Variants in DRAXIN observed in about 807,000 individuals in gnomAD.
The protein encoded by DRAXIN is dorsal repulsive axon guidance protein.
A neutral mutation model predicts 33.9 loss-of-function variants in DRAXIN; 27 were observed. That is an observed-to-expected ratio of 0.80 (90% confidence interval 0.59 to 1.10). The LOEUF is 1.10. Among genes scored for constraint, DRAXIN ranks in the 50% least tolerant of loss-of-function variants. The probability of loss-of-function intolerance (pLI) is 0.00; values close to 1 mark genes in which losing one functional copy is unlikely to be tolerated. For missense variants in DRAXIN, 371 were observed against 460.8 expected (o/e 0.81, Z 1.78); for synonymous variants, 178 against 194.0 (o/e 0.92, Z 0.69).
At chr1:11,695,373 G>A (rs1470360002) in intron 1 of DRAXIN, among the ~76,000 whole-genome samples, 1 of 152,034 alleles carries the variant, frequency 6.6e-6, no homozygotes, top group Non-Finnish European at 1.5e-5. Context: ...GAGGCCAGGG[G>A]TTCGAGACCA....
chr1:11,687,631 C>T (rs1640981808), upstream of DRAXIN, among the ~76,000 whole-genome samples: 1 of 152,202 alleles, frequency 6.6e-6, no homozygotes, highest in African/African-American at 2.4e-5. This position sits in a 1 kb window ranked among gnomAD's most constrained non-coding sequence, Gnocchi z 4.1. Context: ...CTGCCTCACC[C>T]TCTCAAAGTG....
In DRAXIN at chr1:11,706,592, C is replaced by T; in HGVS notation, c.334C>T (p.Leu112Phe). 1 of 1,606,570 alleles carries T rather than the reference C, an allele frequency of 6.2e-7. No individual in the cohort carries two copies. Among genetic ancestry groups the T allele is most frequent in the Non-Finnish European group, 8.5e-7 (1 of 1,179,418 alleles). Residue 112 changes from leucine to phenylalanine, a missense_variant, in exon 2 of 7, where the codon CTC becomes TTC. Coordinates refer to ENST00000294485, the MANE Select transcript of DRAXIN (RefSeq NM_198545.4). This position sits in a 1 kb window ranked among gnomAD's most constrained non-coding sequence, Gnocchi z 5.5. Reference protein sequence around the residue: ...PAGLLQDKDLLLGLALPYPEK... With the variant: ...PAGLLQDKDLFLGLALPYPEK... The stretch of plus-strand genomic sequence containing the variant: ...AGGCCTGCTGCAGGACAAGGACCTG[C>T]TCCTGGGACTGGCATTGCCCTACCC...
chr1:11,700,726 C>G (rs1357082637), intron 1 of DRAXIN, among the ~76,000 whole-genome samples: 1 of 152,186 alleles, frequency 6.6e-6, no homozygotes, highest in Non-Finnish European at 1.5e-5. Flanking sequence ...GGGGGGTTGC[C>G]TGCTTCACAT....
At chr1:11,702,476 CCA>C (rs1373603663) in intron 1 of DRAXIN, among the ~76,000 whole-genome samples, 1 of 151,442 alleles carries the variant, frequency 6.6e-6, no homozygotes, top group Non-Finnish European at 1.5e-5. Context: ...ACCTACACAC[CCA>C]CACATATTCA....
rs1013798529 is a variant in DRAXIN at position 11,694,901 on chromosome 1, C to A, written c.-11+3048C>A. Among the ~76,000 whole-genome samples the A allele has an allele frequency of 6.6e-6, 1 of 152,210 alleles. No homozygotes were observed. Among genetic ancestry groups the A allele is most frequent in the African/African-American group, 2.4e-5 (1 of 41,444 alleles). On this transcript the variant is annotated intron_variant, in intron 1 of 6. Coordinates refer to ENST00000294485, the MANE Select transcript of DRAXIN (RefSeq NM_198545.4). The surrounding 1 kb of genome is among the most constrained non-coding windows in gnomAD (Gnocchi z 4.9). ...ACACCATGACCCACCCATGCCCCAA[C>A]ACCAAGACTTCTCTTGATGGGATGG...
At chr1:11,702,747 CT>C (rs33972819) in intron 1 of DRAXIN, among the ~76,000 whole-genome samples, 125 of 145,552 alleles carry the variant, frequency 8.6e-4, no homozygotes, top group African/African-American at 2.0e-3. Context: ...GGTATGAATT[CT>C]TTTTTTTTTT....
rs2100748861 is a variant in DRAXIN at position 11,725,018 on chromosome 1, G to C, written c.*5322G>C. 1 of 152,308 alleles carries C rather than the reference G, an allele frequency of 6.6e-6. No individual in the cohort carries two copies. The highest frequency in any genetic ancestry group is 3.4e-3 in the Middle Eastern group (1 of 296). The allele number at this position is 152,308 out of a possible 1,614,324, so 9.4% of individuals were successfully genotyped here. A position where few individuals can be genotyped will look rare whatever the true frequency, so the allele number is the denominator to read the frequency against. Reference sequence around the variant, plus strand: ...CAGTCTGATACAGGATCCATGGCTGGGTCACTTCTGGGTGCAAGAGGCTTT... The same window carrying C: ...CAGTCTGATACAGGATCCATGGCTGCGTCACTTCTGGGTGCAAGAGGCTTT... On this transcript the variant is annotated 3_prime_UTR_variant, in exon 7 of 7. Transcript: ENST00000294485.
chr1:11,701,397 GAA>G (rs1224465139), intron 1 of DRAXIN, among the ~76,000 whole-genome samples: 17 of 152,308 alleles, frequency 1.1e-4, no homozygotes, highest in Middle Eastern at 3.4e-3. Flanking sequence ...TAAAACCATG[GAA>G]AAGTCTCCCT....
intron 3 of DRAXIN, among the ~76,000 whole-genome samples, chr1:11,711,464 G>A (rs55852125): frequency 0.14 from 21,218 of 152,214 alleles, 1,565 homozygotes; most frequent in East Asian, 0.24. Flanking sequence ...TCTGCAGAGA[G>A]AGGAAGGGAT....
chr1:11,709,500 G>A, intron 3 of DRAXIN, 35 bp downstream of exon 3: 1 of 1,588,278 alleles, frequency 6.3e-7, no homozygotes, highest in Admixed American at 1.8e-5. Context: ...GATCTGGAAG[G>A]GTCCTTGAGC....
rs1641691609 is a variant in DRAXIN, at chr1:11,723,931, C to T, written c.*4235C>T. ...TTCTTATAAGGTGTTTAGAACAGTG[C>T]CTAGCACCTAATAAACCTCCAGTGT... On this transcript the variant is annotated 3_prime_UTR_variant, in exon 7 of 7. Coordinates refer to ENST00000294485, the MANE Select transcript of DRAXIN (RefSeq NM_198545.4). 1 of 152,148 alleles carries T rather than the reference C, an allele frequency of 6.6e-6. No individual in the cohort carries two copies. Among genetic ancestry groups the T allele is most frequent in the African/African-American group, 2.4e-5 (1 of 41,442 alleles). The allele number at this position is 152,148 out of a possible 1,614,324, so 9.4% of individuals were successfully genotyped here.
chr1:11,686,707 GA>G, the DRAXIN span, among the ~76,000 whole-genome samples: 2 of 148,468 alleles, frequency 1.3e-5, no homozygotes, highest in Non-Finnish European at 3.0e-5. Flanking sequence ...CCGGCCCAGA[GA>G]CACTAAATGC....
In DRAXIN at chr1:11,722,657, T is replaced by G. The variant is rs751617411; in HGVS notation, c.*2961T>G. 6.5e-6 allele frequency: 1 copy of G among 153,818 alleles called. No individual in the cohort carries two copies. The highest frequency in any genetic ancestry group is 1.5e-5 in the Non-Finnish European group (1 of 68,082). The allele number at this position is 153,818 out of a possible 1,614,324, so 9.5% of individuals were successfully genotyped here. ...ACTGTGAGGAGCCAAATAAACATTT[T>G]AGGATTTGCAAGCCATCTGATCTCC... On this transcript the variant is annotated 3_prime_UTR_variant, in exon 7 of 7. Transcript: ENST00000294485.
chr1:11,713,354 A>T (rs1641527614), intron 5 of DRAXIN, among the ~76,000 whole-genome samples: 1 of 152,090 alleles, frequency 6.6e-6, no homozygotes, highest in South Asian at 2.1e-4. Context: ...GCTGCCTTAA[A>T]TCGGGATGAT....
rs1186857190 is a variant in DRAXIN at position 11,704,225 on chromosome 1, G to A, written c.-10-2024G>A. Among the ~76,000 whole-genome samples, 1 of 152,134 alleles carries A rather than the reference G, an allele frequency of 6.6e-6. No homozygotes were observed. The highest frequency in any genetic ancestry group is 2.4e-5 in the African/African-American group (1 of 41,420). ...TTTCCCTGTCCCTAGGACGCTCTTC[G>A]GGCTTCTCCCAGGCTGTCATGTCCC... On this transcript the variant is annotated intron_variant, in intron 1 of 6. Transcript: ENST00000294485. The surrounding 1 kb of genome is among the most constrained non-coding windows in gnomAD (Gnocchi z 4.6).
Position 11,723,170 on chromosome 1 carries a change from C to G in DRAXIN, c.*3474C>G, listed in dbSNP as rs1000984690. 7 of 152,136 alleles carry G rather than the reference C, an allele frequency of 4.6e-5. No homozygotes were observed. The highest frequency in any genetic ancestry group is 1.7e-4 in the African/African-American group (7 of 41,430). The allele number at this position is 152,136 out of a possible 1,614,324, so 9.4% of individuals were successfully genotyped here. On this transcript the variant is annotated 3_prime_UTR_variant, in exon 7 of 7. Coordinates refer to ENST00000294485, the MANE Select transcript of DRAXIN (RefSeq NM_198545.4). ...AATTTTCTAAAACCATTTAAAAGTG[C>G]AAAAACTGCTCTTTGCTTGCCAACT...
In DRAXIN at chr1:11,694,714, C is replaced by T. The variant is rs113917567; in HGVS notation, c.-11+2861C>T. Among the ~76,000 whole-genome samples, 27 of 152,108 alleles carry T rather than the reference C, an allele frequency of 1.8e-4. 2 individuals are homozygous for T. The highest frequency in any genetic ancestry group is 6.0e-4 in the African/African-American group (25 of 41,474). ...GGTTGGAGCTGCCTCCCTCTTGCTC[C>T]GCTGGCCCTCTCTGCATGCCCTACT... On this transcript the variant is annotated intron_variant, in intron 1 of 6. Coordinates refer to ENST00000294485, the MANE Select transcript of DRAXIN (RefSeq NM_198545.4). The surrounding 1 kb of genome is among the most constrained non-coding windows in gnomAD (Gnocchi z 4.9).
chr1:11,715,003 G>A (rs1354731441), intron 5 of DRAXIN, 116 bp from the exon 6 acceptor site: 30 of 1,263,880 alleles, frequency 2.4e-5, no homozygotes, highest in Admixed American at 3.7e-5. Context: ...GGCCCACCCC[G>A]CCAGGGCGCG....
rs1045321525 is a variant in DRAXIN at position 11,721,217 on chromosome 1, A to G, written c.*1521A>G. The G allele has an allele frequency of 6.6e-6, 1 of 152,148 alleles. No homozygotes were observed. Among genetic ancestry groups the G allele is most frequent in the South Asian group, 2.1e-4 (1 of 4,822 alleles). The allele number at this position is 152,148 out of a possible 1,614,324, so 9.4% of individuals were successfully genotyped here. A position where few individuals can be genotyped will look rare whatever the true frequency, so the allele number is the denominator to read the frequency against. On this transcript the variant is annotated 3_prime_UTR_variant, in exon 7 of 7. Transcript: ENST00000294485. ...CCAGGACCACAAAACCATCCCTGGA[A>G]CCCCACCCCACATTTTTGCAGCAGA... is the stretch of plus-strand genomic sequence containing the variant.
Sources: gnomAD v4.1 joint callset for allele counts (sites outside exome capture counted in the v4.1 genomes callset) on GRCh38, gnomAD v4.1.1 for gene constraint, Gnocchi (gnomAD v3.1) non-coding constraint, MANE v1.5 for transcripts, NCBI Gene and HGNC (gene_info 2026-07-23, HGNC 2026-07-21) for gene names.